Variants in FHOD3 observed in about 807,000 individuals in gnomAD.
The protein encoded by FHOD3 is FH1/FH2 domain-containing protein 3.
Under a neutral mutation model 173.0 loss-of-function variants are expected in FHOD3, and 90 were observed. The observed-to-expected ratio is 0.52, with a 90% CI of 0.44 to 0.62. The LOEUF is 0.62. Among genes scored for constraint, FHOD3 ranks in the 20% least tolerant of loss-of-function variants. The pLI is 0.00. For synonymous variants in FHOD3, 828 were observed against 823.0 expected (o/e 1.01, Z -0.10); for missense variants, 1,945 against 2,034.7 (o/e 0.96, Z 0.85).
chr18:36,385,549 A>G (rs2146355538), intron 3 of FHOD3, among the ~76,000 whole-genome samples: 1 of 151,894 alleles, frequency 6.6e-6, no homozygotes, highest in Non-Finnish European at 1.5e-5. Context: ...GGCGCCCACC[A>G]CCATGCCTGG....
intron 3 of FHOD3, among the ~76,000 whole-genome samples, chr18:36,488,689 A>T (rs1213477055): frequency 6.6e-6 from 1 of 152,222 alleles, no homozygotes; most frequent in Non-Finnish European, 1.5e-5. Context: ...ACATGGCTTC[A>T]GGATGTTGGA....
chr18:36,367,483 T>C (rs1446146943), intron 2 of FHOD3, among the ~76,000 whole-genome samples: 1 of 152,134 alleles, frequency 6.6e-6, no homozygotes, highest in Admixed American at 6.5e-5. Context: ...GGTCACTGGA[T>C]TCTGGGTACT....
chr18:36,515,031 C>T (rs1489934518), intron 5 of FHOD3, among the ~76,000 whole-genome samples: 2 of 152,152 alleles, frequency 1.3e-5, no homozygotes, highest in Non-Finnish European at 2.9e-5. Flanking sequence ...CACAGTGAGG[C>T]CCCTCCCACC....
chr18:36,513,421 GGC>G (rs1465733872), intron 5 of FHOD3, among the ~76,000 whole-genome samples: 3 of 152,214 alleles, frequency 2.0e-5, no homozygotes, highest in Admixed American at 6.5e-5. Context: ...AGGCATGTCA[GGC>G]GGGTCAGGGT....
intron 3 of FHOD3, among the ~76,000 whole-genome samples, chr18:36,433,480 G>C (rs1321980006): frequency 6.6e-6 from 1 of 152,104 alleles, no homozygotes; most frequent in African/African-American, 2.4e-5. Flanking sequence ...AAGAAAATAG[G>C]TTAACAAATT....
intron 1 of FHOD3, among the ~76,000 whole-genome samples, chr18:36,300,154 G>A (rs1326957597): frequency 6.6e-6 from 1 of 152,194 alleles, no homozygotes; most frequent in East Asian, 1.9e-4. Flanking sequence ...CTATTTTAGA[G>A]ATGAGGAAAG....
intron 3 of FHOD3, among the ~76,000 whole-genome samples, chr18:36,440,217 A>C (rs1401210442): frequency 1.3e-5 from 2 of 152,210 alleles, no homozygotes; most frequent in Admixed American, 1.3e-4. Flanking sequence ...GCTAAGGAAT[A>C]AACTACCCAA....
At chr18:36,559,544 A>G (rs773020796) in intron 5 of FHOD3, among the ~76,000 whole-genome samples, 1 of 152,146 alleles carries the variant, frequency 6.6e-6, no homozygotes, top group Non-Finnish European at 1.5e-5. Context: ...ACCCCTCTGC[A>G]CTACATTTTA....
chr18:36,305,690 CA>C (rs1239644303), intron 1 of FHOD3, among the ~76,000 whole-genome samples: 1 of 152,094 alleles, frequency 6.6e-6, no homozygotes, highest in Admixed American at 6.5e-5. Flanking sequence ...GATGGGCAAA[CA>C]CTACCAGCTT....
intron 14 of FHOD3, among the ~76,000 whole-genome samples, chr18:36,660,851 A>G (rs893266472): frequency 2.6e-5 from 4 of 152,168 alleles, no homozygotes; most frequent in Admixed American, 6.5e-5. Flanking sequence ...CAGTGGTGGG[A>G]TGACTCTCCT....
Position 36,780,041 on chromosome 18 carries a change from A to G in FHOD3, c.*511A>G, listed in dbSNP as rs2043963676. On this transcript the variant is annotated 3_prime_UTR_variant, in exon 29 of 29. Transcript: ENST00000590592. Reference sequence around the variant, plus strand: ...ACACCATGTTTCAAATACTAAATAAATAGAGTTTAATGCCATAATGAGAAA... The same window carrying G: ...ACACCATGTTTCAAATACTAAATAAGTAGAGTTTAATGCCATAATGAGAAA... 1.2e-6 allele frequency: 1 copy of G among 811,870 alleles called. No homozygotes were observed. Among genetic ancestry groups the G allele is most frequent in the East Asian group, 3.4e-5 (1 of 29,828 alleles). 50.3% of individuals were successfully genotyped at this position (811,870 alleles called of 1,614,324 possible).
chr18:36,680,538 C>T (rs1370751757), intron 14 of FHOD3, among the ~76,000 whole-genome samples: 4 of 152,218 alleles, frequency 2.6e-5, no homozygotes, highest in Non-Finnish European at 2.9e-5. Context: ...TAGCTAACCC[C>T]TTTCCTTATA....
intron 5 of FHOD3, among the ~76,000 whole-genome samples, chr18:36,541,800 G>T (rs1353291819): frequency 1.3e-5 from 2 of 152,190 alleles, no homozygotes; most frequent in Non-Finnish European, 2.9e-5. Context: ...CTATGGGGCA[G>T]AATTGGAATG....
intron 24 of FHOD3, among the ~76,000 whole-genome samples, chr18:36,753,526 G>A (rs532634054): frequency 2.0e-5 from 3 of 152,324 alleles, no homozygotes; most frequent in African/African-American, 7.2e-5. Flanking sequence ...ATGAACTTTT[G>A]TGTAGAAGGT....
At chr18:36,769,946 G>A (rs953492410) in intron 28 of FHOD3, among the ~76,000 whole-genome samples, 2 of 152,144 alleles carry the variant, frequency 1.3e-5, no homozygotes, top group Non-Finnish European at 2.9e-5. Context: ...ACGTGGCCTA[G>A]GTTGACCATT....
At chr18:36,499,044 TAAG>T (rs2054885323) in intron 3 of FHOD3, among the ~76,000 whole-genome samples, 1 of 152,158 alleles carries the variant, frequency 6.6e-6, no homozygotes. Flanking sequence ...TGCTAACAAG[TAAG>T]AAGGTCTAAT....
At chr18:36,298,202 G>T (rs563148562) in intron 1 of FHOD3, among the ~76,000 whole-genome samples, 2 of 152,218 alleles carry the variant, frequency 1.3e-5, no homozygotes, top group East Asian at 1.9e-4. Flanking sequence ...CCTCCGGGGC[G>T]GGCGGGAAGG....
intron 3 of FHOD3, among the ~76,000 whole-genome samples, chr18:36,497,173 G>GTCCT (rs2054789456): frequency 6.6e-6 from 1 of 152,092 alleles, no homozygotes; most frequent in South Asian, 2.1e-4. Context: ...GACTATAAAG[G>GTCCT]TTTTGTTTTG....
chr18:36,540,817 C>G (rs955604826), intron 5 of FHOD3, among the ~76,000 whole-genome samples: 2 of 152,186 alleles, frequency 1.3e-5, no homozygotes, highest in African/African-American at 4.8e-5. Context: ...GCAGGGCACA[C>G]CTAATCCCAT....
Sources: allele counts gnomAD v4.1 joint callset (sites outside exome capture counted in the v4.1 genomes callset), GRCh38; gene constraint gnomAD v4.1.1; transcripts MANE v1.5; gene names NCBI Gene and HGNC (gene_info 2026-07-23, HGNC 2026-07-21).